Variants in CPM observed in about 807,000 individuals in gnomAD.
The protein encoded by CPM is carboxypeptidase M, also known as renal carboxypeptidase.
CPM carries 35 observed loss-of-function variants against 46.4 expected under a neutral mutation model. The observed-to-expected ratio is 0.75, with a 90% CI of 0.58 to 1.00. The LOEUF (loss-of-function observed/expected upper bound fraction) is 1.00, where lower values mean the gene tolerates loss of function less well. CPM is among the 50% of genes least tolerant of loss of function. CPM has a pLI of 0.00. For synonymous variants in CPM, 195 were observed against 195.3 expected (o/e 1.00, Z 0.01); for missense variants, 422 against 530.4 (o/e 0.80, Z 2.01).
chr12:68,888,796 G>A (rs1349799439), intron 2 of CPM, among the ~76,000 whole-genome samples: 1 of 152,190 alleles, frequency 6.6e-6, no homozygotes, highest in Non-Finnish European at 1.5e-5. Context: ...AACTCACACA[G>A]GGTTTAACAC....
In CPM at chr12:68,854,100, T is replaced by G. The variant is rs1436940980; in HGVS notation, c.*2337A>C. On this transcript the variant is annotated 3_prime_UTR_variant, in exon 9 of 9. Coordinates refer to ENST00000551568, the MANE Select transcript of CPM (RefSeq NM_198320.5). ...CCTTTACTACCAATCTTAGGATCAA[T>G]TCAAGGTTCAGTAAAAGGAATGTAT... 6.6e-6 allele frequency: 1 copy of G among 152,178 alleles called. No homozygotes were observed. Among genetic ancestry groups the G allele is most frequent in the African/African-American group, 2.4e-5 (1 of 41,422 alleles). The allele number at this position is 152,178 out of a possible 1,614,324, so 9.4% of individuals were successfully genotyped here.
At chr12:68,859,582 A>G (rs1885121622) in intron 7 of CPM, among the ~76,000 whole-genome samples, 1 of 152,208 alleles carries the variant, frequency 6.6e-6, no homozygotes, top group Non-Finnish European at 1.5e-5. Flanking sequence ...ACAGCAGCCA[A>G]TATTTATTGA....
intron 7 of CPM, among the ~76,000 whole-genome samples, chr12:68,866,457 C>A (rs145795577): frequency 6.6e-6 from 1 of 152,170 alleles, no homozygotes; most frequent in Non-Finnish European, 1.5e-5. Flanking sequence ...GATTCTCCTG[C>A]CTCAGCCTCC....
chr12:68,863,360 C>A (rs1019811152), intron 7 of CPM, among the ~76,000 whole-genome samples: 25 of 152,160 alleles, frequency 1.6e-4, no homozygotes, highest in African/African-American at 6.0e-4. Flanking sequence ...TCCTCAGAGA[C>A]CGGGACAAGC....
intron 2 of CPM, among the ~76,000 whole-genome samples, chr12:68,896,117 G>T (rs916921288): frequency 6.6e-6 from 1 of 152,124 alleles, no homozygotes; most frequent in Non-Finnish European, 1.5e-5. Context: ...AGTTCCCAAA[G>T]GAGGTAACTC....
intron 1 of CPM, among the ~76,000 whole-genome samples, chr12:68,962,247 G>A (rs7313212): frequency 0.89 from 134,545 of 151,130 alleles, 59,915 homozygotes; most frequent in East Asian, 0.94. Context: ...ACATAACACA[G>A]AATTTACCAT....
rs1232734636 is a variant in CPM, at chr12:68,870,267, G to A, written c.564C>T (p.Asn188=). 6.2e-7 allele frequency: 1 copy of A among 1,614,186 alleles called. No homozygotes were observed. Among genetic ancestry groups the A allele is most frequent in the African/African-American group, 1.3e-5 (1 of 75,062 alleles). The stretch of plus-strand genomic sequence containing the variant: ...TGGCCACGAGGGCACCACCATGGAG[G>A]TTTGCAGAGAGGACAAACGTCTCTG... The part of the protein sequence containing the change: ...LKTETFVLSA[N]LHGGALVASY... The change falls in exon 5 of 9, where the codon AAC becomes AAT. Residue 188 remains asparagine, a synonymous_variant. Coordinates refer to ENST00000551568, the MANE Select transcript of CPM (RefSeq NM_198320.5).
intron 2 of CPM, among the ~76,000 whole-genome samples, chr12:68,928,788 G>A (rs1445602712): frequency 6.6e-6 from 1 of 151,182 alleles, no homozygotes; most frequent in Non-Finnish European, 1.5e-5. Context: ...AGGCCAGGCT[G>A]GAGTACGGTG....
In CPM at chr12:68,856,236, C is replaced by T. The variant is rs968022660; in HGVS notation, c.*201G>A. 2 of 592,048 alleles carry T rather than the reference C, an allele frequency of 3.4e-6. No individual in the cohort carries two copies. The highest frequency in any genetic ancestry group is 5.8e-6 in the Non-Finnish European group (2 of 343,700). The allele number at this position is 592,048 out of a possible 1,614,324, so 36.7% of individuals were successfully genotyped here. ...ACTTGTTAGGTAAGTGTCTTCCATT[C>T]ACCGTCAAGACTGAATCATTCTTTT... On this transcript the variant is annotated 3_prime_UTR_variant, in exon 9 of 9. Coordinates refer to ENST00000551568, the MANE Select transcript of CPM (RefSeq NM_198320.5).
intron 7 of CPM, among the ~76,000 whole-genome samples, chr12:68,860,919 C>T (rs1253191418): frequency 6.6e-6 from 1 of 151,452 alleles, no homozygotes; most frequent in Non-Finnish European, 1.5e-5. Flanking sequence ...CTTGCTCTGT[C>T]ACCCAGGCTG....
chr12:68,898,018 A>ATTT (rs34852745), intron 2 of CPM, among the ~76,000 whole-genome samples: 4 of 134,104 alleles, frequency 3.0e-5, no homozygotes, highest in African/African-American at 8.3e-5. Flanking sequence ...TAATTTGTGT[A>ATTT]TTTTTTTTTT....
intron 2 of CPM, among the ~76,000 whole-genome samples, chr12:68,923,513 T>C (rs1005377323): frequency 6.6e-6 from 1 of 152,192 alleles, no homozygotes; most frequent in African/African-American, 2.4e-5. Context: ...CTTAACTCTA[T>C]CAGATGATGC....
intron 7 of CPM, among the ~76,000 whole-genome samples, chr12:68,864,717 A>G (rs1885358483): frequency 6.6e-6 from 1 of 152,198 alleles, no homozygotes; most frequent in South Asian, 2.1e-4. Context: ...GAATTTCAGA[A>G]AAGGATAGGC....
At chr12:68,931,763 A>AAAAGAAAGAAAG (rs1287718409) in intron 2 of CPM, among the ~76,000 whole-genome samples, 16 of 132,540 alleles carry the variant, frequency 1.2e-4, no homozygotes, top group African/African-American at 4.3e-4. Context: ...AAAAAAAAAA[A>AAAAGAAAGAAAG]AAAGAAAGAA....
chr12:68,917,019 G>A (rs1343141699), intron 2 of CPM, among the ~76,000 whole-genome samples: 2 of 151,914 alleles, frequency 1.3e-5, no homozygotes, highest in African/African-American at 2.4e-5. Flanking sequence ...AAAACCCTTA[G>A]GATTATATCT....
At chr12:68,904,036 G>A (rs925524372) in intron 2 of CPM, among the ~76,000 whole-genome samples, 10 of 152,122 alleles carry the variant, frequency 6.6e-5, no homozygotes, top group Admixed American at 3.9e-4. Flanking sequence ...ACAGGCATGC[G>A]CCACTATACC....
chr12:68,876,005 T>C (rs969401929), intron 3 of CPM, among the ~76,000 whole-genome samples: 1 of 152,180 alleles, frequency 6.6e-6, no homozygotes, highest in African/African-American at 2.4e-5. Flanking sequence ...CAGAAATATA[T>C]AGATGTCTAC....
Position 68,910,235 on chromosome 12 carries a change from A to G in CPM, c.160+22443T>C, listed in dbSNP as rs571399910. 5.3e-5 allele frequency among the ~76,000 whole-genome samples: 8 copies of G among 152,324 alleles called. No individual in the cohort carries two copies. The East Asian group carries it at 1.5e-3, about 29-fold the overall frequency. ...AAATGACTAAATAAACTAAGATAAG[A>G]TTATACCACAGAATAGTTTGAAACA... is the stretch of plus-strand genomic sequence containing the variant. On this transcript the variant is annotated intron_variant, in intron 2 of 8. Transcript: ENST00000551568.
chr12:68,928,548 T>C (rs1340287763), intron 2 of CPM, among the ~76,000 whole-genome samples: 1 of 152,204 alleles, frequency 6.6e-6, no homozygotes. Flanking sequence ...TAAGGCCTAC[T>C]TTGAGTTGCT....
Sources: gnomAD v4.1 joint callset for allele counts (sites outside exome capture counted in the v4.1 genomes callset) on GRCh38, gnomAD v4.1.1 for gene constraint, MANE v1.5 for transcripts, NCBI Gene and HGNC (gene_info 2026-07-23, HGNC 2026-07-21) for gene names.